The following ERMP1 variants were observed in gnomAD, a reference collection of about 807,000 sequenced individuals.
The protein encoded by ERMP1 is endoplasmic reticulum metallopeptidase 1.
A neutral mutation model predicts 92.0 loss-of-function variants in ERMP1; 86 were observed. The observed-to-expected ratio is 0.93, with a 90% CI of 0.79 to 1.12. The LOEUF (loss-of-function observed/expected upper bound fraction) is 1.12, where lower values mean the gene tolerates loss of function less well. Among genes scored for constraint, ERMP1 ranks in the 50% most tolerant of loss-of-function variants. ERMP1 has a pLI of 0.00. For synonymous variants in ERMP1, 530 were observed against 412.8 expected, an observed-to-expected ratio of 1.28 and a Z score of -3.44; for missense variants, 1,342 against 1,116.3, an observed-to-expected ratio of 1.20 and a Z score of -2.88.
intron 5 of ERMP1, among the ~76,000 whole-genome samples, chr9:5,861,728 T>TG (rs1451792359): frequency 2.8e-5 from 4 of 144,156 alleles, no homozygotes; most frequent in African/African-American, 1.0e-4. Flanking sequence ...TTTTTTTTTT[T>TG]TTTTTTTTTT....
At chr9:5,804,945 C>T (rs1828814091) in intron 10 of ERMP1, 82 bp downstream of exon 10, 1 of 1,042,844 alleles carries the variant, frequency 9.6e-7, no homozygotes, top group Non-Finnish European at 1.4e-6. Flanking sequence ...GTACACGTAA[C>T]ACTATTTCAC....
intron 10 of ERMP1, among the ~76,000 whole-genome samples, chr9:5,804,062 T>C (rs1209455225): frequency 1.3e-5 from 2 of 152,118 alleles, no homozygotes; most frequent in Non-Finnish European, 2.9e-5. Context: ...TTCCACAAAG[T>C]AAAGGGGTAA....
chr9:5,826,442 A>T (rs138807275), intron 2 of ERMP1, among the ~76,000 whole-genome samples: 4 of 152,350 alleles, frequency 2.6e-5, no homozygotes, highest in African/African-American at 9.6e-5. Flanking sequence ...TTTAAGAGTC[A>T]CACAAGATAA....
intron 13 of ERMP1, among the ~76,000 whole-genome samples, chr9:5,789,585 C>A (rs1404783046): frequency 6.6e-6 from 1 of 152,242 alleles, no homozygotes; most frequent in Non-Finnish European, 1.5e-5. Flanking sequence ...TGCTCTATCA[C>A]CTAGGTTCGA....
chr9:5,792,754 A>T (rs544566226), intron 13 of ERMP1, among the ~76,000 whole-genome samples: 2 of 152,348 alleles, frequency 1.3e-5, no homozygotes, highest in South Asian at 2.1e-4. Context: ...CTGCACTACC[A>T]TGAAGCAGTA....
At chr9:5,838,721 G>T (rs534195814) in intron 6 of ERMP1, among the ~76,000 whole-genome samples, 5 of 151,732 alleles carry the variant, frequency 3.3e-5, no homozygotes, top group Non-Finnish European at 5.9e-5. Context: ...AGTTTGGAAC[G>T]TCATATATTA....
intron 4 of ERMP1, among the ~76,000 whole-genome samples, chr9:5,815,224 C>A (rs1418161330): frequency 6.6e-6 from 1 of 152,040 alleles, no homozygotes. Flanking sequence ...TATCTGGCAC[C>A]ATTTACTTTT....
chr9:5,838,152 C>A (rs1464827221), intron 6 of ERMP1, among the ~76,000 whole-genome samples: 1 of 152,094 alleles, frequency 6.6e-6, no homozygotes, highest in African/African-American at 2.4e-5. Flanking sequence ...ATTTGGCAAA[C>A]ATTTTATTTC....
At chr9:5,816,300 TTTC>T (rs1422956956) in intron 4 of ERMP1, among the ~76,000 whole-genome samples, 2 of 152,222 alleles carry the variant, frequency 1.3e-5, no homozygotes, top group Non-Finnish European at 2.9e-5. Context: ...AATATTAATA[TTTC>T]TTGAGTGTGA....
chr9:5,822,884 G>A (rs982971087), intron 4 of ERMP1, among the ~76,000 whole-genome samples: 2 of 152,166 alleles, frequency 1.3e-5, no homozygotes, highest in Non-Finnish European at 2.9e-5. Context: ...TGAGGCTTGA[G>A]CAGTAGGATA....
chr9:5,856,538 A>T (rs1830375992), intron 6 of ERMP1: 2 of 162,592 alleles, frequency 1.2e-5, no homozygotes, highest in Non-Finnish European at 2.6e-5. Flanking sequence ...TGGCTCTGGT[A>T]CTCTGGTTAC....
intron 8 of ERMP1, among the ~76,000 whole-genome samples, chr9:5,807,201 T>A (rs1421908734): frequency 6.6e-6 from 1 of 152,200 alleles, no homozygotes; most frequent in African/African-American, 2.4e-5. Flanking sequence ...ACTTTATACA[T>A]TGTTATCAGT....
chr9:5,816,108 C>T (rs1016766531), intron 4 of ERMP1, among the ~76,000 whole-genome samples: 1 of 152,108 alleles, frequency 6.6e-6, no homozygotes, highest in Non-Finnish European at 1.5e-5. Flanking sequence ...CCTAGGCAGG[C>T]AAGGCAATCC....
At chr9:5,808,064 G>C (rs948282463) in intron 8 of ERMP1, among the ~76,000 whole-genome samples, 3 of 152,054 alleles carry the variant, frequency 2.0e-5, no homozygotes, top group African/African-American at 7.2e-5. Flanking sequence ...GCCTCAAGCA[G>C]TCTTCCTGCC....
chr9:5,851,233 G>A (rs987092217), intron 6 of ERMP1, among the ~76,000 whole-genome samples: 5 of 152,132 alleles, frequency 3.3e-5, no homozygotes, highest in African/African-American at 9.7e-5. Flanking sequence ...CAAATCTGAG[G>A]CACACCTTTA....
At chr9:5,810,488 G>A (rs1431826422) in intron 7 of ERMP1, among the ~76,000 whole-genome samples, 3 of 152,146 alleles carry the variant, frequency 2.0e-5, no homozygotes, top group Admixed American at 6.5e-5. Context: ...AATAGTTCAG[G>A]TACATTCCTT....
upstream of ERMP1, among the ~76,000 whole-genome samples, chr9:5,837,965 C>A (rs935713056): frequency 6.6e-6 from 1 of 151,874 alleles, no homozygotes; most frequent in Non-Finnish European, 1.5e-5. Context: ...AGTGTGGTGG[C>A]ATGCACCTGT....
chr9:5,842,461 A>G (rs1379363766), intron 6 of ERMP1, among the ~76,000 whole-genome samples: 1 of 151,880 alleles, frequency 6.6e-6, no homozygotes, highest in Non-Finnish European at 1.5e-5. Context: ...GAAAGAAAAG[A>G]AAAAAGAAAA....
chr9:5,846,440 C>T (rs1420434638), intron 6 of ERMP1, among the ~76,000 whole-genome samples: 1 of 152,178 alleles, frequency 6.6e-6, no homozygotes, highest in African/African-American at 2.4e-5. Flanking sequence ...TTAAAACCTC[C>T]CTTGGCCATT....
Sources: allele counts gnomAD v4.1 joint callset (sites outside exome capture counted in the v4.1 genomes callset), GRCh38; gene constraint gnomAD v4.1.1; transcripts MANE v1.5; gene names NCBI Gene and HGNC (gene_info 2026-07-23, HGNC 2026-07-21).